MTSS1: variants seen among roughly 807,000 people sequenced by gnomAD.
MTSS1 encodes MTSS I-BAR domain containing 1.
MTSS1 carries 18 observed loss-of-function variants against 79.0 expected under a neutral mutation model. That is an observed-to-expected ratio of 0.23 (90% CI 0.16 to 0.34). MTSS1 has a LOEUF of 0.34. MTSS1 is among the 10% of genes least tolerant of loss of function. The pLI is 1.00. For missense variants in MTSS1, 815 were observed against 986.2 expected, an observed-to-expected ratio of 0.83 and a Z score of 2.33; for synonymous variants, 341 against 368.6, an observed-to-expected ratio of 0.93 and a Z score of 0.86.
intron 3 of MTSS1, among the ~76,000 whole-genome samples, chr8:124,693,196 G>C (rs1018244944): frequency 3.3e-5 from 5 of 152,202 alleles, no homozygotes; most frequent in Non-Finnish European, 7.3e-5. Context: ...AGGGTTTTAA[G>C]GGTTTCAGAA....
At chr8:124,601,227 A>G (rs1833758647) in intron 3 of MTSS1, among the ~76,000 whole-genome samples, 4 of 151,678 alleles carry the variant, frequency 2.6e-5, no homozygotes, top group African/African-American at 9.7e-5. Flanking sequence ...TGCCTGACTA[A>G]TTTTTTGTAT....
At chr8:124,647,179 A>AT (rs1197640755) in intron 3 of MTSS1, among the ~76,000 whole-genome samples, 8 of 152,140 alleles carry the variant, frequency 5.3e-5, no homozygotes, top group Non-Finnish European at 1.2e-4. Context: ...ATTTACCTAC[A>AT]TTTTCAAAAA....
intron 3 of MTSS1, among the ~76,000 whole-genome samples, chr8:124,626,845 A>G (rs1814781368): frequency 6.6e-6 from 1 of 152,068 alleles, no homozygotes; most frequent in African/African-American, 2.4e-5. Flanking sequence ...AACAAGAATC[A>G]CATCTCCATG....
intron 3 of MTSS1, among the ~76,000 whole-genome samples, chr8:124,694,986 C>T (rs949340700): frequency 2.0e-5 from 3 of 151,628 alleles, no homozygotes; most frequent in Admixed American, 6.6e-5. Context: ...CAAATATACA[C>T]ATTATAATAT....
At chr8:124,602,682 C>A (rs1005316329) in intron 3 of MTSS1, among the ~76,000 whole-genome samples, 1 of 152,146 alleles carries the variant, frequency 6.6e-6, no homozygotes, top group African/African-American at 2.4e-5. Context: ...AAGCTCCAGG[C>A]AAGGGGCTAG....
intron 6 of MTSS1, among the ~76,000 whole-genome samples, chr8:124,581,050 T>C (rs1258575667): frequency 6.6e-6 from 1 of 152,234 alleles, no homozygotes; most frequent in Admixed American, 6.5e-5. Context: ...AGTCTGTTTA[T>C]TACATTTATA....
chr8:124,561,180 C>G (rs148297029), intron 10 of MTSS1, among the ~76,000 whole-genome samples: 2 of 152,316 alleles, frequency 1.3e-5, no homozygotes, highest in African/African-American at 4.8e-5. Context: ...GCCTGTAATT[C>G]CAGAATTTTG....
chr8:124,577,133 T>C (rs1478022686), intron 6 of MTSS1, among the ~76,000 whole-genome samples: 1 of 152,248 alleles, frequency 6.6e-6, no homozygotes, highest in Admixed American at 6.5e-5. Context: ...TCTAGGCTTC[T>C]GGTGGATCTG....
At chr8:124,661,345 G>A (rs1015993288) in intron 3 of MTSS1, among the ~76,000 whole-genome samples, 1 of 150,758 alleles carries the variant, frequency 6.6e-6, no homozygotes, top group African/African-American at 2.4e-5. Flanking sequence ...TCTGTAAACT[G>A]ATGAATTTTT....
At chr8:124,622,089 AG>A (rs1587362562) in intron 3 of MTSS1, among the ~76,000 whole-genome samples, 4 of 151,664 alleles carry the variant, frequency 2.6e-5, no homozygotes, top group South Asian at 4.2e-4. Context: ...AGAGAGAGAG[AG>A]AGAGAGAATA....
chr8:124,615,450 A>T (rs1836663733), intron 3 of MTSS1, among the ~76,000 whole-genome samples: 1 of 152,206 alleles, frequency 6.6e-6, no homozygotes, highest in South Asian at 2.1e-4. Context: ...ACATAATGCT[A>T]AGTGAAATAA....
intron 3 of MTSS1, among the ~76,000 whole-genome samples, chr8:124,689,957 G>A (rs1827673238): frequency 6.6e-6 from 1 of 152,106 alleles, no homozygotes; most frequent in South Asian, 2.1e-4. Context: ...GGTGGGGGAG[G>A]AGAAGAGGGG....
intron 6 of MTSS1, chr8:124,568,989 G>T: frequency 2.0e-6 from 1 of 511,258 alleles, no homozygotes; most frequent in Non-Finnish European, 2.9e-6. Context: ...AAGAGCCTCT[G>T]TCTGGATAGA....
At chr8:124,580,541 GTAGACT>G in intron 6 of MTSS1, 1 of 1,535,906 alleles carries the variant, frequency 6.5e-7, no homozygotes, top group Admixed American at 2.0e-5. Flanking sequence ...ATTTGGGATG[GTAGACT>G]TACCAAGAGT....
chr8:124,717,081 T>C (rs1384208900), intron 1 of MTSS1, among the ~76,000 whole-genome samples: 1 of 151,020 alleles, frequency 6.6e-6, no homozygotes, highest in Non-Finnish European at 1.5e-5. Context: ...CTTCTGCACA[T>C]GCTCTCTTCC....
intron 5 of MTSS1, 135 bp downstream of exon 5, chr8:124,589,485 G>C: frequency 3.2e-6 from 2 of 633,612 alleles, no homozygotes. Context: ...GTGCCTACAG[G>C]AGAGTAGGGA....
chr8:124,713,281 T>C (rs1452128024), intron 1 of MTSS1, among the ~76,000 whole-genome samples: 1 of 152,210 alleles, frequency 6.6e-6, no homozygotes, highest in African/African-American at 2.4e-5. Context: ...AGGGCTTCAC[T>C]ATCTTAGGGT....
chr8:124,602,207 A>ACACACACAC, intron 3 of MTSS1, among the ~76,000 whole-genome samples: 5 of 142,160 alleles, frequency 3.5e-5, no homozygotes, highest in South Asian at 2.2e-4. Flanking sequence ...ATATATATAT[A>ACACACACAC]ATTTTTTTTT....
At chr8:124,589,539 C>T (rs12682032) in intron 5 of MTSS1, 81 bp downstream of exon 5, 407,502 of 1,099,660 alleles carry the variant, frequency 0.37, 78,370 homozygotes, top group East Asian at 0.57. Flanking sequence ...ATAAACCTAG[C>T]AGAGGGGCCA....
Sources: allele counts gnomAD v4.1 joint callset (sites outside exome capture counted in the v4.1 genomes callset), GRCh38; gene constraint gnomAD v4.1.1; transcripts MANE v1.5; gene names NCBI Gene and HGNC (gene_info 2026-07-23, HGNC 2026-07-21).